DTX4: variants seen among roughly 807,000 people sequenced by gnomAD.
The protein encoded by DTX4 is E3 ubiquitin-protein ligase DTX4.
A neutral mutation model predicts 57.6 loss-of-function variants in DTX4; 28 were observed. That is an observed-to-expected ratio of 0.49 (90% CI 0.36 to 0.67). The LOEUF (loss-of-function observed/expected upper bound fraction) is 0.67. Among genes scored for constraint, DTX4 ranks in the 30% least tolerant of loss-of-function variants. DTX4 has a pLI of 0.00. For synonymous variants in DTX4, 316 were observed against 331.0 expected (o/e 0.95, Z 0.49); for missense variants, 715 against 836.8 (o/e 0.85, Z 1.80).
Position 59,182,376 on chromosome 11 carries a change from G to T in DTX4, c.849G>T (p.Lys283Asn). 1 of 1,613,758 alleles carries T rather than the reference G, an allele frequency of 6.2e-7. No individual in the cohort carries two copies. Among genetic ancestry groups the T allele is most frequent in the African/African-American group, 1.3e-5 (1 of 75,054 alleles). Residue 283 changes from lysine to asparagine, a missense_variant, in exon 2 of 9, where the codon AAG becomes AAT. Lys to Asn is a moderately conservative substitution (Grantham distance 94). Transcript: ENST00000227451. ...SPASPPGPNS[K>N]TGRVALATLN... is the part of the protein sequence containing the mutation. ...CCAGTCCCCCAGGACCCAACAGCAA[G>T]ACCGGAAGGGTGGCCCTGGCCACCT...
At chr11:59,199,604 G>C in intron 7 of DTX4, 80 bp from the exon 8 acceptor site, 2 of 1,075,338 alleles carry the variant, frequency 1.9e-6, no homozygotes, top group Non-Finnish European at 2.8e-6. Flanking sequence ...CATTATTATT[G>C]AAATTAGTCA....
At position 59,192,099 on chromosome 11, in the gene DTX4, A is replaced by G. The variant is rs1862605963; in HGVS notation, c.1223A>G (p.Asp408Gly). The change falls in exon 6 of 9, where the codon GAC becomes GGC. Residue 408 changes from aspartate (D) to glycine (G), a missense_variant and splice_region_variant. Transcript: ENST00000227451. ...CTGCTGTGTCTCCTCCCTCCCCAGG[A>G]CTGCACCATCTGTATGGAACGCCTC... ...LQKVRHPPDE[D>G]CTICMERLTA... is the part of the protein sequence containing the mutation. 1 of 1,613,038 alleles carries G rather than the reference A, an allele frequency of 6.2e-7. No individual in the cohort carries two copies.
intron 6 of DTX4, among the ~76,000 whole-genome samples, chr11:59,192,506 G>C (rs1166007911): frequency 3.9e-5 from 6 of 152,116 alleles, no homozygotes; most frequent in Non-Finnish European, 8.8e-5. Context: ...GTCTAAGAGT[G>C]GGGTAGGTTT....
Position 59,182,368 on chromosome 11 carries a change from A to G in DTX4, c.841A>G (p.Asn281Asp). ...CTCTCCTGCCAGTCCCCCAGGACCC[A>G]ACAGCAAGACCGGAAGGGTGGCCCT... ...MGSPASPPGP[N>D]SKTGRVALAT... The change falls in exon 2 of 9, where the codon AAC becomes GAC. Residue 281 changes from asparagine to aspartate, a missense_variant. Physicochemically the swap from Asn to Asp is conservative, Grantham distance 23 (BLOSUM62 1). Transcript: ENST00000227451. 1 of 1,613,798 alleles carries G rather than the reference A, an allele frequency of 6.2e-7. No individual in the cohort carries two copies. The highest frequency in any genetic ancestry group is 8.5e-7 in the Non-Finnish European group (1 of 1,179,864).
intron 8 of DTX4, among the ~76,000 whole-genome samples, chr11:59,201,389 G>T (rs1862738317): frequency 6.6e-6 from 1 of 152,194 alleles, no homozygotes; most frequent in African/African-American, 2.4e-5. Flanking sequence ...GGTGGAAGGA[G>T]CAGCCCTCCT....
At chr11:59,172,108 G>T (rs1473407051), upstream of DTX4, among the ~76,000 whole-genome samples, 1 of 151,626 alleles carries the variant, frequency 6.6e-6, no homozygotes, top group Non-Finnish European at 1.5e-5. Context: ...GGGAGGGAGA[G>T]AGGGGAGGGG....
chr11:59,181,795 G>A lies in DTX4; in HGVS notation c.268G>A (p.Gly90Ser). ...CGACCCCTCCTCGGCCCCTGGGAAG[G>A]GCGTGGTGTGGGAGTGGGAGAACGA... ...YYDPSSAPGK[G>S]VVWEWENDNG... Residue 90 changes from glycine (G) to serine (S), a missense_variant, in exon 2 of 9, where the codon GGC becomes AGC. Transcript: ENST00000227451. 6.2e-7 allele frequency: 1 copy of A among 1,613,874 alleles called. No homozygotes were observed. The highest frequency in any genetic ancestry group is 1.7e-5 in the Admixed American group (1 of 60,012).
At chr11:59,189,388 C>T (rs781615654) in intron 4 of DTX4, 65 bp downstream of exon 4, 121 of 1,452,412 alleles carry the variant, frequency 8.3e-5, no homozygotes, top group Non-Finnish European at 1.1e-4. Context: ...CTGAGTCTGC[C>T]TCAACCTCCA....
chr11:59,177,013 C>T (rs1029520799), intron 1 of DTX4, among the ~76,000 whole-genome samples: 1 of 152,182 alleles, frequency 6.6e-6, no homozygotes, highest in Admixed American at 6.5e-5. Context: ...CTCTCTGTAG[C>T]GTTGAATTGA....
At chr11:59,172,902 C>T (rs1565214168) in intron 1 of DTX4, 96 bp downstream of exon 1, 1 of 959,654 alleles carries the variant, frequency 1.0e-6, no homozygotes, top group South Asian at 1.7e-5. Flanking sequence ...GCCACCTAGT[C>T]GGCACTTCTG....
chr11:59,201,774 C>T (rs1196996455), intron 8 of DTX4, among the ~76,000 whole-genome samples: 1 of 152,238 alleles, frequency 6.6e-6, no homozygotes, highest in Non-Finnish European at 1.5e-5. Context: ...GAGCTACATC[C>T]CAACTGTTGG....
At chr11:59,187,406 G>C (rs948378838) in intron 2 of DTX4, among the ~76,000 whole-genome samples, 4 of 152,098 alleles carry the variant, frequency 2.6e-5, no homozygotes, top group African/African-American at 9.7e-5. Context: ...AGCCACTGTT[G>C]GGGGGAGGTG....
intron 2 of DTX4, among the ~76,000 whole-genome samples, chr11:59,188,286 T>C (rs959630472): frequency 6.6e-5 from 10 of 152,166 alleles, no homozygotes; most frequent in African/African-American, 2.4e-4. Context: ...TTCAATACTA[T>C]GGTCTCAGGA....
At chr11:59,184,924 T>C (rs143282847) in intron 2 of DTX4, among the ~76,000 whole-genome samples, 1 of 152,334 alleles carries the variant, frequency 6.6e-6, no homozygotes, top group East Asian at 1.9e-4. Context: ...ATTAGCGTGT[T>C]TATTCCCTTT....
rs1862464474 is a variant in DTX4, at chr11:59,181,764, C to G, written c.237C>G (p.Asn79Lys). 4 of 1,610,378 alleles carry G rather than the reference C, an allele frequency of 2.5e-6. No homozygotes were observed. Among genetic ancestry groups the G allele is most frequent in the Non-Finnish European group, 3.4e-6 (4 of 1,177,538 alleles). The change falls in exon 2 of 9, where the codon AAC becomes AAG. Residue 79 changes from asparagine to lysine, a missense_variant. Physicochemically the swap from Asn to Lys is moderately conservative, Grantham distance 94 (BLOSUM62 0). Transcript: ENST00000227451. ...DTGTLRPVRR[N>K]YYDPSSAPGK... ...GAACTCTCCGCCCAGTTCGCCGCAACTACTACGACCCCTCCTCGGCCCCTG... is the reference window on the plus strand; with the variant it reads ...GAACTCTCCGCCCAGTTCGCCGCAAGTACTACGACCCCTCCTCGGCCCCTG...
chr11:59,182,603 C>T (rs1332790295), intron 2 of DTX4, 141 bp downstream of exon 2: 5 of 1,202,140 alleles, frequency 4.2e-6, no homozygotes, highest in Middle Eastern at 2.4e-4. Context: ...GAAGGTGGTG[C>T]ACCTGGCTGC....
intron 1 of DTX4, among the ~76,000 whole-genome samples, chr11:59,176,891 C>T (rs1005552934): frequency 2.6e-5 from 4 of 152,170 alleles, no homozygotes; most frequent in African/African-American, 7.2e-5. Context: ...CTAGAAAAGT[C>T]GAGAACTAGC....
intron 7 of DTX4, among the ~76,000 whole-genome samples, chr11:59,197,425 G>A (rs1231859212): frequency 6.6e-6 from 1 of 152,144 alleles, no homozygotes; most frequent in East Asian, 1.9e-4. Context: ...GGAAGTAGAG[G>A]GAGGAAGCAT....
chr11:59,191,012 T>C, intron 4 of DTX4, 102 bp from the exon 5 acceptor site: 1 of 1,119,234 alleles, frequency 8.9e-7, no homozygotes, highest in Non-Finnish European at 1.3e-6. Flanking sequence ...TTTTTGCTTT[T>C]AACTTGCCTG....
Sources: allele counts gnomAD v4.1 joint callset (sites outside exome capture counted in the v4.1 genomes callset), GRCh38; gene constraint gnomAD v4.1.1; transcripts MANE v1.5; gene names NCBI Gene and HGNC (gene_info 2026-07-23, HGNC 2026-07-21).